Variants in CGGBP1 observed in about 807,000 individuals in gnomAD.
CGGBP1 encodes CGG triplet repeat binding protein 1.
Under a neutral mutation model 11.4 loss-of-function variants are expected in CGGBP1, and 4 were observed. The observed-to-expected ratio is 0.35, with a 90% CI of 0.17 to 0.80. CGGBP1 has a LOEUF of 0.80. Ranked by LOEUF, CGGBP1 falls within the 30% of genes least tolerant of loss-of-function variation. The pLI, the probability that CGGBP1 is intolerant of heterozygous loss-of-function variation, is 0.52. For missense variants in CGGBP1, 135 were observed against 202.1 expected (o/e 0.67, Z 2.01); for synonymous variants, 76 against 74.1 (o/e 1.03, Z -0.13).
chr3:88,092,777 C>T (rs1336098230), intron 2 of CGGBP1, among the ~76,000 whole-genome samples: 1 of 152,022 alleles, frequency 6.6e-6, no homozygotes, highest in African/African-American at 2.4e-5. Flanking sequence ...TTGTAAGTTA[C>T]TATATTCTCT....
intron 2 of CGGBP1, chr3:88,126,320 C>G: frequency 7.2e-7 from 1 of 1,392,782 alleles, no homozygotes; most frequent in East Asian, 2.6e-5. Flanking sequence ...AGCAAATACA[C>G]TTTCATTTAC....
At chr3:88,087,071 C>T (rs572686172) in intron 2 of CGGBP1, among the ~76,000 whole-genome samples, 14 of 151,472 alleles carry the variant, frequency 9.2e-5, no homozygotes, top group African/African-American at 2.9e-4. Context: ...CTTGAGCCAC[C>T]GTGCCCAGCC....
At chr3:88,060,010 C>T (rs929390930), upstream of CGGBP1, among the ~76,000 whole-genome samples, 1 of 151,992 alleles carries the variant, frequency 6.6e-6, no homozygotes, top group Non-Finnish European at 1.5e-5. Context: ...CTCCTGTCAT[C>T]CCCTCACAAG....
intron 2 of CGGBP1, among the ~76,000 whole-genome samples, chr3:88,075,982 C>T (rs1021588373): frequency 1.3e-5 from 2 of 152,196 alleles, no homozygotes; most frequent in Non-Finnish European, 2.9e-5. Context: ...TTCCCATTTA[C>T]TTCCCTGAGA....
At chr3:88,140,758 C>T (rs775958795) in intron 2 of CGGBP1, 4 of 1,613,588 alleles carry the variant, frequency 2.5e-6, no homozygotes, top group Admixed American at 1.7e-5. Context: ...CCTTCCAAAC[C>T]AAATCTGACA....
At chr3:88,111,591 C>A (rs150249024) in intron 2 of CGGBP1, among the ~76,000 whole-genome samples, 101 of 151,912 alleles carry the variant, frequency 6.6e-4, no homozygotes, top group Middle Eastern at 6.8e-3. Context: ...TTACCTAGTA[C>A]CCTATGGTAG....
intron 2 of CGGBP1, among the ~76,000 whole-genome samples, chr3:88,114,179 C>T (rs1490618778): frequency 6.6e-6 from 1 of 151,978 alleles, no homozygotes; most frequent in East Asian, 1.9e-4. Context: ...ACAATCAAAC[C>T]TTTATAAATG....
chr3:88,116,021 G>T (rs757914689), intron 2 of CGGBP1, among the ~76,000 whole-genome samples: 3 of 152,082 alleles, frequency 2.0e-5, no homozygotes, highest in Non-Finnish European at 4.4e-5. Context: ...AGATAATATA[G>T]AGAGAAAGAG....
At chr3:88,102,098 CTT>C (rs1553696164) in intron 2 of CGGBP1, among the ~76,000 whole-genome samples, 1 of 151,984 alleles carries the variant, frequency 6.6e-6, no homozygotes, top group Non-Finnish European at 1.5e-5. Flanking sequence ...TATATCTTGT[CTT>C]TTCATTTTCT....
At chr3:88,078,383 CAGGT>C (rs774868824) in intron 2 of CGGBP1, among the ~76,000 whole-genome samples, 1 of 152,150 alleles carries the variant, frequency 6.6e-6, no homozygotes, top group Non-Finnish European at 1.5e-5. Context: ...AAGCCCAAAA[CAGGT>C]AGGGAAAGCT....
chr3:88,117,941 T>C (rs1705510408), intron 2 of CGGBP1, among the ~76,000 whole-genome samples: 2 of 57,114 alleles, frequency 3.5e-5, no homozygotes, highest in South Asian at 2.7e-3. Flanking sequence ...GCCCAATAGA[T>C]GATTAAAAAA....
intron 2 of CGGBP1, among the ~76,000 whole-genome samples, chr3:88,131,732 T>C (rs912073072): frequency 7.9e-5 from 12 of 152,264 alleles, no homozygotes; most frequent in Middle Eastern, 3.4e-3. Flanking sequence ...ATAGCGTGGG[T>C]TATGATGGCC....
At chr3:88,086,710 T>A (rs1190094586) in intron 2 of CGGBP1, among the ~76,000 whole-genome samples, 1 of 152,192 alleles carries the variant, frequency 6.6e-6, no homozygotes, top group Non-Finnish European at 1.5e-5. Context: ...TACAGCAGTT[T>A]AGGCTATGAT....
intron 2 of CGGBP1, among the ~76,000 whole-genome samples, chr3:88,079,317 T>C (rs910768203): frequency 1.3e-5 from 2 of 152,202 alleles, no homozygotes; most frequent in South Asian, 2.1e-4. Flanking sequence ...ACTGAAAATT[T>C]TGTAGACTAT....
chr3:88,086,152 TG>T (rs1207866930), intron 2 of CGGBP1: 3 of 1,031,738 alleles, frequency 2.9e-6, no homozygotes, highest in Non-Finnish European at 2.8e-6. Context: ...CCTGTGTTCA[TG>T]CCGATCTAAT....
In CGGBP1 at chr3:88,058,914, T is replaced by G; in HGVS notation, c.-430A>C. 5.4e-6 allele frequency: 1 copy of G among 186,078 alleles called. No individual in the cohort carries two copies. Among genetic ancestry groups the G allele is most frequent in the Non-Finnish European group, 1.1e-5 (1 of 91,076 alleles). 11.5% of individuals were successfully genotyped at this position (186,078 alleles called of 1,614,324 possible). A position where few individuals can be genotyped will look rare whatever the true frequency, so the allele number is the denominator to read the frequency against. ...GCAAGGGAATAAGGGAGGAGGAGGA[T>G]CCGTCGCTGCCGCCGTCGCCGCCGT... On this transcript the variant is annotated 5_prime_UTR_variant, in exon 1 of 4. Transcript: ENST00000482016.
At chr3:88,059,479 C>A (rs1395034348), upstream of CGGBP1, 2 of 1,514,040 alleles carry the variant, frequency 1.3e-6, no homozygotes, top group South Asian at 1.2e-5. Flanking sequence ...AATCAGCAGT[C>A]GGGATTACTG....
chr3:88,115,616 A>G (rs1705343549), intron 2 of CGGBP1, among the ~76,000 whole-genome samples: 4 of 152,186 alleles, frequency 2.6e-5, no homozygotes, highest in Admixed American at 2.6e-4. Flanking sequence ...CTGATCTCCT[A>G]AAATCTGAGT....
At chr3:88,100,725 C>T (rs373237639) in intron 2 of CGGBP1, among the ~76,000 whole-genome samples, 6 of 151,966 alleles carry the variant, frequency 3.9e-5, no homozygotes, top group East Asian at 3.9e-4. Context: ...AACCAAACAC[C>T]GCCATGTTCT....
Sources: gnomAD v4.1 joint callset for allele counts (sites outside exome capture counted in the v4.1 genomes callset) on GRCh38, gnomAD v4.1.1 for gene constraint, MANE v1.5 for transcripts, NCBI Gene and HGNC (gene_info 2026-07-23, HGNC 2026-07-21) for gene names.